Variants in TTLL8 observed in about 807,000 individuals in gnomAD.
TTLL8 encodes the protein protein monoglycylase TTLL8.
TTLL8 carries 65 observed loss-of-function variants against 77.8 expected under a neutral mutation model. The ratio of observed to expected loss-of-function variants is 0.84; its 90% CI spans 0.68 to 1.03. TTLL8 has a LOEUF of 1.03. Ranked by LOEUF, TTLL8 falls within the 50% of genes least tolerant of loss-of-function variation. TTLL8 has a pLI of 0.00. For missense variants in TTLL8, 910 were observed against 1,004.5 expected, an observed-to-expected ratio of 0.91 and a Z score of 1.27; for synonymous variants, 402 against 422.8, an observed-to-expected ratio of 0.95 and a Z score of 0.60.
intron 12 of TTLL8, among the ~76,000 whole-genome samples, chr22:50,019,802 T>C (rs1392214113): frequency 6.6e-6 from 1 of 152,232 alleles, no homozygotes; most frequent in African/African-American, 2.4e-5. Flanking sequence ...TTTGCAGTGA[T>C]TTCTTATGCA....
chr22:50,023,447 G>A (rs1401608547), intron 12 of TTLL8, among the ~76,000 whole-genome samples: 1 of 152,186 alleles, frequency 6.6e-6, no homozygotes, highest in Non-Finnish European at 1.5e-5. Context: ...CACTTTGGGA[G>A]GCCGAGGCGG....
chr22:50,020,288 T>TGCACTCCTCCATCTGAC (rs1555951655), intron 12 of TTLL8, among the ~76,000 whole-genome samples: 4 of 131,754 alleles, frequency 3.0e-5, no homozygotes, highest in African/African-American at 1.2e-4. Context: ...CTCCATCTGA[T>TGCACTCCTCCATCTGAC]GTGCACTCCT....
rs948868779 is a variant in TTLL8, at chr22:50,041,634, A to G, written c.817T>C (p.Tyr273His). 1.5e-6 allele frequency: 2 copies of G among 1,363,230 alleles called. No homozygotes were observed. The highest frequency in any genetic ancestry group is 1.5e-5 in the African/African-American group (1 of 67,496). The allele number at this position is 1,363,230 out of a possible 1,614,324, so 84.4% of individuals were successfully genotyped here. A position where few individuals can be genotyped will look rare whatever the true frequency, so the allele number is the denominator to read the frequency against. Residue 273 changes from tyrosine (Y) to histidine (H), a missense_variant, in exon 7 of 14, where the codon TAC becomes CAC. Coordinates refer to ENST00000266182, the Ensembl canonical transcript of TTLL8. The surrounding 1 kb of genome is among the most constrained non-coding windows in gnomAD (Gnocchi z 4.3). ...CGTAAGTCTTACTGAACGAGGGAGT[A>G]GTACTGCTGGGTCAGGTCCTCCCAC...
intron 5 of TTLL8, 97 bp from the exon 8 acceptor site, chr22:50,045,486 T>A: frequency 9.0e-7 from 1 of 1,109,228 alleles, no homozygotes; most frequent in Non-Finnish European, 1.2e-6. Flanking sequence ...CCGCCCCACT[T>A]CCCGCCCTCA....
intron 12 of TTLL8, among the ~76,000 whole-genome samples, chr22:50,025,395 G>C (rs1017275543): frequency 1.3e-5 from 2 of 152,024 alleles, no homozygotes; most frequent in Admixed American, 1.3e-4. Flanking sequence ...GGCCGGGCGC[G>C]GGGGCTCAGG....
rs771903189 is a variant in TTLL8 at position 50,044,423 on chromosome 22, G to T, written c.643+832C>A. ...CCTAACTCAGAATTGAAAACGGAAT[G>T]TAAGCACAGCCAATCACAGGCAGCC... On this transcript the variant is annotated intron_variant, in intron 6 of 13. Transcript: ENST00000266182. The surrounding 1 kb of genome is among the most constrained non-coding windows in gnomAD (Gnocchi z 4.2). 6.6e-6 allele frequency among the ~76,000 whole-genome samples: 1 copy of T among 152,174 alleles called. No homozygotes were observed. The highest frequency in any genetic ancestry group is 1.5e-5 in the Non-Finnish European group (1 of 68,040).
At chr22:50,053,773 G>T (rs557142686) in intron 1 of TTLL8, among the ~76,000 whole-genome samples, 3 of 152,298 alleles carry the variant, frequency 2.0e-5, no homozygotes, top group African/African-American at 7.2e-5. Flanking sequence ...GTGATGAAAT[G>T]GTCTTTATGA....
chr22:50,028,599 AC>A (rs71198203), intron 12 of TTLL8, among the ~76,000 whole-genome samples: 7,359 of 101,504 alleles, frequency 0.072, 464 homozygotes, highest in Middle Eastern at 0.2. Flanking sequence ...CCTCGTAAAG[AC>A]CCCCATCACA....
chr22:50,048,115 A>T (rs866655349), intron 3 of TTLL8, among the ~76,000 whole-genome samples: 2 of 145,640 alleles, frequency 1.4e-5, no homozygotes, highest in African/African-American at 5.1e-5. Flanking sequence ...CCCCCAAAAA[A>T]GTGTGTGTGT....
chr22:50,033,128 C>G (rs562146947), intron 10 of TTLL8, 74 bp downstream of exon 11: 86 of 1,266,436 alleles, frequency 6.8e-5, no homozygotes, highest in Admixed American at 1.2e-4. Flanking sequence ...CTGCTTCTCA[C>G]TGCGGCTGCT....
upstream of TTLL8, among the ~76,000 whole-genome samples, chr22:50,056,592 C>A (rs1232340273): frequency 3.3e-5 from 5 of 152,172 alleles, no homozygotes; most frequent in African/African-American, 1.2e-4. The surrounding 1 kb of genome is among the most constrained non-coding windows in gnomAD (Gnocchi z 4.1). Context: ...CTCCACGACC[C>A]GCCAGGAGAG....
exon 12 of TTLL8, chr22:50,030,499 G>T: frequency 7.4e-7 from 1 of 1,344,338 alleles, no homozygotes; most frequent in Non-Finnish European, 9.9e-7. Flanking sequence ...GGCTCCAGCG[G>T]GTGCGCATTT....
At chr22:50,047,970 G>T (rs1318057947) in intron 3 of TTLL8, among the ~76,000 whole-genome samples, 1 of 152,058 alleles carries the variant, frequency 6.6e-6, no homozygotes, top group African/African-American at 2.4e-5. Flanking sequence ...GGTGGCGGGC[G>T]CCTGTAATCC....
At chr22:50,043,244 T>A (rs5771316) in intron 6 of TTLL8, among the ~76,000 whole-genome samples, 2 of 141,470 alleles carry the variant, frequency 1.4e-5, no homozygotes, top group South Asian at 4.5e-4. Flanking sequence ...GATGGATAGA[T>A]AGATAAACAG....
upstream of TTLL8, chr22:50,055,146 G>A: frequency 1.6e-6 from 2 of 1,239,142 alleles, no homozygotes; most frequent in Non-Finnish European, 2.1e-6. Flanking sequence ...CAGTGCGTCA[G>A]AGGCCAGATG....
chr22:50,041,891 T>C lies in TTLL8; in HGVS notation c.644-84A>G. Reference sequence around the variant, plus strand: ...CCTCGAGGGGTGATGTCTAAAGTCATGGACAAAGGCTGCTCCACTCCCTCT... The same window carrying C: ...CCTCGAGGGGTGATGTCTAAAGTCACGGACAAAGGCTGCTCCACTCCCTCT... On this transcript the variant is annotated intron_variant, in intron 6 of 13. Coordinates refer to ENST00000266182, the Ensembl canonical transcript of TTLL8. The surrounding 1 kb of genome is among the most constrained non-coding windows in gnomAD (Gnocchi z 4.3). 1 of 1,201,974 alleles carries C rather than the reference T, an allele frequency of 8.3e-7. No homozygotes were observed. The highest frequency in any genetic ancestry group is 1.1e-6 in the Non-Finnish European group (1 of 924,710). The allele number at this position is 1,201,974 out of a possible 1,614,324, so 74.5% of individuals were successfully genotyped here.
upstream of TTLL8, chr22:50,055,142 G>A (rs143870863): frequency 3.5e-5 from 43 of 1,235,098 alleles, no homozygotes; most frequent in East Asian, 1.7e-4. Flanking sequence ...GGCACAGTGC[G>A]TCAGAGGCCA....
Position 50,034,181 on chromosome 22 carries a change from T to C in TTLL8, c.1039+164A>G, listed in dbSNP as rs373321458. The C allele has an allele frequency of 2.1e-4, 142 of 683,208 alleles. 1 individual carries two copies. The South Asian group carries it at 7.9e-3, about 38-fold the overall frequency. The allele number at this position is 683,208 out of a possible 1,614,324, so 42.3% of individuals were successfully genotyped here. ...CACATGCTGTGAAGACGCCTCCAGC[T>C]CTGCTCCAGCGCCTGAGTCCTGACC... On this transcript the variant is annotated intron_variant, in intron 9 of 13. Transcript: ENST00000266182. This position sits in a 1 kb window ranked among gnomAD's most constrained non-coding sequence, Gnocchi z 4.1.
intron 12 of TTLL8, among the ~76,000 whole-genome samples, chr22:50,025,157 T>C (rs2061224107): frequency 6.6e-6 from 1 of 152,076 alleles, no homozygotes; most frequent in Non-Finnish European, 1.5e-5. Flanking sequence ...CTGGACACCC[T>C]GTTTACACTG....
Sources: allele counts gnomAD v4.1 joint callset (sites outside exome capture counted in the v4.1 genomes callset), GRCh38; gene constraint gnomAD v4.1.1; non-coding constraint Gnocchi (gnomAD v3.1); transcripts MANE v1.5; gene names NCBI Gene and HGNC (gene_info 2026-07-23, HGNC 2026-07-21).